The following STK32B variants were observed in gnomAD, a reference collection of about 807,000 sequenced individuals.
STK32B encodes serine/threonine kinase 32B, also known as serine/threonine-protein kinase 32B.
Under a neutral mutation model 52.6 loss-of-function variants are expected in STK32B, and 43 were observed. The observed-to-expected ratio is 0.82, with a 90% CI of 0.64 to 1.05. STK32B has a LOEUF of 1.05. Among genes scored for constraint, STK32B ranks in the 50% least tolerant of loss-of-function variants. STK32B has a pLI of 0.00. For missense variants in STK32B, 621 were observed against 534.6 expected, an observed-to-expected ratio of 1.16 and a Z score of -1.59; for synonymous variants, 238 against 204.3, an observed-to-expected ratio of 1.17 and a Z score of -1.41.
intron 4 of STK32B, among the ~76,000 whole-genome samples, chr4:5,364,014 T>C (rs62297299): frequency 2.0e-5 from 3 of 152,066 alleles, no homozygotes; most frequent in Admixed American, 2.0e-4. Context: ...GATATATTGA[T>C]CCATCCCCCT....
intron 3 of STK32B, among the ~76,000 whole-genome samples, chr4:5,316,794 T>G (rs796493527): frequency 0.02 from 2 of 100 alleles, no homozygotes; most frequent in Non-Finnish European, 0.028. Context: ...TACATATATA[T>G]TATATATTAT....
chr4:5,298,730 G>A (rs1309663367), intron 3 of STK32B, among the ~76,000 whole-genome samples: 1 of 152,064 alleles, frequency 6.6e-6, no homozygotes, highest in African/African-American at 2.4e-5. Context: ...TGGGCTTTGT[G>A]GGGGTGGGAC....
intron 6 of STK32B, among the ~76,000 whole-genome samples, chr4:5,435,164 G>C (rs1043772018): frequency 3.9e-5 from 6 of 152,340 alleles, no homozygotes; most frequent in Admixed American, 3.9e-4. Context: ...AATAGATTCA[G>C]GGTTGGCCAT....
chr4:5,406,674 ATG>A (rs777778192), intron 5 of STK32B, among the ~76,000 whole-genome samples: 5 of 152,144 alleles, frequency 3.3e-5, no homozygotes, highest in Non-Finnish European at 5.9e-5. Context: ...GTGGCCTGAG[ATG>A]TATCTAAGGC....
At chr4:5,367,083 T>C (rs1046903933) in intron 4 of STK32B, among the ~76,000 whole-genome samples, 3 of 152,214 alleles carry the variant, frequency 2.0e-5, no homozygotes, top group South Asian at 2.1e-4. Flanking sequence ...TAGATTTTAA[T>C]TGCAGAAGAA....
intron 4 of STK32B, among the ~76,000 whole-genome samples, chr4:5,392,708 G>A (rs1214121405): frequency 1.3e-5 from 2 of 152,124 alleles, no homozygotes; most frequent in Non-Finnish European, 2.9e-5. Flanking sequence ...AATAGGAGTA[G>A]CAATACCTAT....
intron 1 of STK32B, among the ~76,000 whole-genome samples, chr4:5,067,909 C>A (rs1432304910): frequency 2.0e-5 from 3 of 152,076 alleles, no homozygotes; most frequent in Non-Finnish European, 4.4e-5. Context: ...TTTAAACAAC[C>A]AGATCTCATG....
intron 2 of STK32B, among the ~76,000 whole-genome samples, chr4:5,144,133 G>C (rs1255709396): frequency 6.6e-6 from 1 of 152,184 alleles, no homozygotes; most frequent in African/African-American, 2.4e-5. Context: ...TGGGAATTCA[G>C]CTCAGCAAGT....
intron 2 of STK32B, among the ~76,000 whole-genome samples, chr4:5,159,664 A>AATATAT (rs1301080815): frequency 8.8e-5 from 6 of 68,382 alleles, no homozygotes; most frequent in African/African-American, 3.0e-4. Flanking sequence ...TATATATATG[A>AATATAT]ATGTATATGA....
chr4:5,087,390 A>G (rs1400382046), intron 1 of STK32B, among the ~76,000 whole-genome samples: 1 of 152,016 alleles, frequency 6.6e-6, no homozygotes, highest in East Asian at 1.9e-4. Flanking sequence ...GGAATTGACA[A>G]ATAAAAAGCT....
intron 1 of STK32B, among the ~76,000 whole-genome samples, chr4:5,094,279 G>A (rs1713259722): frequency 6.6e-6 from 1 of 152,140 alleles, no homozygotes. Flanking sequence ...TTAGAAAGAG[G>A]TTTAACTTTA....
chr4:5,233,159 G>A (rs1344444735), intron 3 of STK32B, among the ~76,000 whole-genome samples: 1 of 152,190 alleles, frequency 6.6e-6, no homozygotes, highest in Non-Finnish European at 1.5e-5. Flanking sequence ...ACAAGGACTT[G>A]TGAAGGTTTG....
At chr4:5,230,178 C>CTTTTTGTTTTTTTTTTTTTT (rs1724154508) in intron 3 of STK32B, among the ~76,000 whole-genome samples, 1 of 71,122 alleles carries the variant, frequency 1.4e-5, no homozygotes, top group Non-Finnish European at 2.4e-5. Flanking sequence ...CATGCATTCC[C>CTTTTTGTTTTTTTTTTTTTT]TTTTTTTTTT....
At chr4:5,073,456 C>T (rs1711895005) in intron 1 of STK32B, among the ~76,000 whole-genome samples, 1 of 151,826 alleles carries the variant, frequency 6.6e-6, no homozygotes, top group Non-Finnish European at 1.5e-5. Context: ...ATCTTTATTT[C>T]TACATGTAAT....
intron 3 of STK32B, among the ~76,000 whole-genome samples, chr4:5,316,860 ATTATATATTATATATAATATATT>A (rs1730901341): frequency 1.8e-4 from 1 of 5,616 alleles, no homozygotes; most frequent in East Asian, 0.014. Context: ...TATTATATAT[ATTATATATTATATATAATATATT>A]ATATATATTA....
intron 1 of STK32B, among the ~76,000 whole-genome samples, chr4:5,084,011 G>T (rs1456513040): frequency 2.6e-5 from 4 of 152,144 alleles, no homozygotes; most frequent in African/African-American, 9.7e-5. Flanking sequence ...TGCTGAGATT[G>T]CAGGCGTGAG....
At chr4:5,455,543 T>C (rs573420515) in intron 7 of STK32B, among the ~76,000 whole-genome samples, 1 of 152,180 alleles carries the variant, frequency 6.6e-6, no homozygotes, top group African/African-American at 2.4e-5. Context: ...CTTGGAACTT[T>C]TCCGAAGCAA....
intron 3 of STK32B, among the ~76,000 whole-genome samples, chr4:5,217,127 G>A (rs1378885902): frequency 6.6e-6 from 1 of 152,134 alleles, no homozygotes; most frequent in East Asian, 1.9e-4. Flanking sequence ...GGCCAATTAT[G>A]CATTGCCTTG....
rs540644650 is a variant in STK32B at position 5,289,643 on chromosome 4, C to A, written c.261-41577C>A. On this transcript the variant is annotated intron_variant, in intron 3 of 11. Coordinates refer to ENST00000282908, the MANE Select transcript of STK32B (RefSeq NM_018401.3). ...ACGCCATTCTCCTGCCTCAGCCTCCCGAGTAGCTGGGAGTACAGGCACCCA... is the reference window on the plus strand; with the variant it reads ...ACGCCATTCTCCTGCCTCAGCCTCCAGAGTAGCTGGGAGTACAGGCACCCA... Among the ~76,000 whole-genome samples, 3 of 150,836 alleles carry A rather than the reference C, an allele frequency of 2.0e-5. No individual in the cohort carries two copies. The East Asian group carries it at 5.9e-4, about 30-fold the overall frequency.
Sources: allele counts gnomAD v4.1 joint callset (sites outside exome capture counted in the v4.1 genomes callset), GRCh38; gene constraint gnomAD v4.1.1; transcripts MANE v1.5; gene names NCBI Gene and HGNC (gene_info 2026-07-23, HGNC 2026-07-21).